The following ARSG variants were observed in gnomAD, a reference collection of about 807,000 sequenced individuals.
The protein encoded by ARSG is ASG.
A neutral mutation model predicts 50.5 loss-of-function variants in ARSG; 37 were observed. The observed-to-expected ratio is 0.73, with a 90% CI of 0.56 to 0.96. The LOEUF (loss-of-function observed/expected upper bound fraction) is 0.96. Ranked by LOEUF, ARSG falls within the 50% of genes least tolerant of loss-of-function variation. The pLI is 0.00. For synonymous variants in ARSG, 225 were observed against 254.6 expected (o/e 0.88, Z 1.11); for missense variants, 629 against 675.3 (o/e 0.93, Z 0.76).
chr17:68,264,657 G>A (rs1361083815), intron 1 of ARSG, among the ~76,000 whole-genome samples: 1 of 151,738 alleles, frequency 6.6e-6, no homozygotes, highest in Non-Finnish European at 1.5e-5. Context: ...GGCTGGTCTC[G>A]AACTCCCAAC....
intron 11 of ARSG, among the ~76,000 whole-genome samples, chr17:68,402,677 A>G (rs1600108103): frequency 6.6e-6 from 1 of 151,520 alleles, no homozygotes; most frequent in Non-Finnish European, 1.5e-5. Context: ...GGTGCCCGCC[A>G]CCTCGCCCGC....
chr17:68,289,799 G>A (rs143287296), upstream of ARSG, among the ~76,000 whole-genome samples: 521 of 152,110 alleles, frequency 3.4e-3, 2 homozygotes, highest in African/African-American at 0.012. Flanking sequence ...GTCCTTTTTC[G>A]GAAACCACAG....
the ARSG span, chr17:68,430,021 G>A: frequency 6.2e-7 from 1 of 1,614,206 alleles, no homozygotes; most frequent in Non-Finnish European, 8.5e-7. Context: ...ATGTTCCTCT[G>A]TCCGGAGAAG....
At chr17:68,420,114 A>G in intron 11 of ARSG, 75 bp from the exon 12 acceptor site, 1 of 1,515,910 alleles carries the variant, frequency 6.6e-7, no homozygotes, top group South Asian at 1.2e-5. Context: ...ATGTAGAATC[A>G]CTCGCAGCTC....
intron 1 of ARSG, among the ~76,000 whole-genome samples, chr17:68,282,779 T>TAAAAAA (rs36155626): frequency 0.039 from 2,088 of 53,260 alleles, 155 homozygotes; most frequent in Non-Finnish European, 0.055. Context: ...CCATCTCTAC[T>TAAAAAA]AAAAAAAAAA....
intron 2 of ARSG, among the ~76,000 whole-genome samples, chr17:68,319,277 C>T (rs2077187526): frequency 6.6e-6 from 1 of 152,226 alleles, no homozygotes; most frequent in African/African-American, 2.4e-5. Flanking sequence ...CCATTATCCC[C>T]TAGAGGCCAG....
At chr17:68,288,184 T>C (rs1412935696), upstream of ARSG, among the ~76,000 whole-genome samples, 1 of 151,940 alleles carries the variant, frequency 6.6e-6, no homozygotes, top group Non-Finnish European at 1.5e-5. Context: ...GTATTTTTAG[T>C]AGAGACAGGG....
chr17:68,331,204 TC>T lies in ARSG; in HGVS notation c.219-12399del, dbSNP rs1480414794. On this transcript the variant is annotated intron_variant, in intron 2 of 11. Coordinates refer to ENST00000621439, the MANE Select transcript of ARSG (RefSeq NM_001267727.2). ...TTCTTTCTTTCTTTCTTTCTTTCTT[TC>T]TTTCTTTCTTTCTTTCTTTCTTTCT... Among the ~76,000 whole-genome samples the T allele has an allele frequency of 4.2e-4, 15 of 35,668 alleles. No homozygotes were observed. The East Asian group carries it at 7.6e-3, about 18-fold the overall frequency. The allele number at this position is 35,668 out of a possible 152,430, so 23.4% of individuals were successfully genotyped here. A position where few individuals can be genotyped will look rare whatever the true frequency, so the allele number is the denominator to read the frequency against.
chr17:68,440,888 T>C, the ARSG span: 1 of 152,224 alleles, frequency 6.6e-6, no homozygotes, highest in Admixed American at 6.5e-5. Context: ...CAGGTTACGC[T>C]TTCCGATTTT....
At chr17:68,439,460 T>A in the ARSG span, among the ~76,000 whole-genome samples, 40 of 152,068 alleles carry the variant, frequency 2.6e-4, no homozygotes, top group Non-Finnish European at 5.4e-4. Flanking sequence ...GAAAGTAGAT[T>A]AGGGGTTGCC....
At chr17:68,430,715 A>G in the ARSG span, among the ~76,000 whole-genome samples, 2 of 152,206 alleles carry the variant, frequency 1.3e-5, no homozygotes, top group African/African-American at 4.8e-5. Flanking sequence ...TGTCGCCTAC[A>G]GTCATGGAAC....
At chr17:68,362,978 C>A (rs2079369499) in intron 6 of ARSG, among the ~76,000 whole-genome samples, 1 of 152,122 alleles carries the variant, frequency 6.6e-6, no homozygotes, top group African/African-American at 2.4e-5. Context: ...TTATCCAGCT[C>A]CAGTGATGTG....
At position 68,343,587 on chromosome 17, in the gene ARSG, C is replaced by T. The variant is rs375322209; in HGVS notation, c.219-17C>T. 234 of 1,595,634 alleles carry T rather than the reference C, an allele frequency of 1.5e-4. 2 individuals are homozygous for T. Among genetic ancestry groups the T allele is most frequent in the African/African-American group, 1.2e-3 (90 of 74,828 alleles). On this transcript the variant is annotated splice_polypyrimidine_tract_variant and intron_variant, in intron 2 of 11. Transcript: ENST00000621439. ...CCTGTGGTTGGTGCGGTCCTGACCA[C>T]TGTCCTTTCCCTGCAGGTTTGTGGA...
rs1185872404 is a variant in ARSG at position 68,378,564 on chromosome 17, A to G, written c.983-6500A>G. Among the ~76,000 whole-genome samples the G allele has an allele frequency of 6.6e-6, 1 of 152,090 alleles. No individual in the cohort carries two copies. Among genetic ancestry groups the G allele is most frequent in the Non-Finnish European group, 1.5e-5 (1 of 67,996 alleles). Reference sequence around the variant, plus strand: ...GCAAAGCAGCCCTGCCTTCTCCCGAAGAAGAAGGGCACGAGTCAGACACCC... The same window carrying G: ...GCAAAGCAGCCCTGCCTTCTCCCGAGGAAGAAGGGCACGAGTCAGACACCC... On this transcript the variant is annotated intron_variant, in intron 8 of 11. Coordinates refer to ENST00000621439, the MANE Select transcript of ARSG (RefSeq NM_001267727.2). The surrounding 1 kb of genome is among the most constrained non-coding windows in gnomAD (Gnocchi z 4.4).
At chr17:68,424,695 G>A (rs1277638603), downstream of ARSG, 1 of 341,378 alleles carries the variant, frequency 2.9e-6, no homozygotes, top group Non-Finnish European at 5.8e-6. Flanking sequence ...GACCAACATG[G>A]TGAAACCCCG....
At chr17:68,435,072 C>A in the ARSG span, among the ~76,000 whole-genome samples, 2 of 152,052 alleles carry the variant, frequency 1.3e-5, no homozygotes, top group Admixed American at 1.3e-4. Context: ...CCAGGCGTGG[C>A]AGCATGTGCC....
chr17:68,391,679 G>A (rs540814899), intron 9 of ARSG, among the ~76,000 whole-genome samples: 58 of 152,282 alleles, frequency 3.8e-4, no homozygotes, highest in African/African-American at 1.3e-3. Flanking sequence ...AAACCACCGC[G>A]GCCTTTTCAG....
chr17:68,416,057 C>T (rs913857901), intron 11 of ARSG, among the ~76,000 whole-genome samples: 11 of 152,146 alleles, frequency 7.2e-5, no homozygotes, highest in African/African-American at 2.7e-4. Flanking sequence ...ATTCCTCATG[C>T]TATTTGTTGC....
chr17:68,341,188 C>G (rs1478127617), intron 2 of ARSG, among the ~76,000 whole-genome samples: 3 of 152,138 alleles, frequency 2.0e-5, no homozygotes, highest in Non-Finnish European at 2.9e-5. Flanking sequence ...TGAAATGATT[C>G]TTTCCTCTGT....
Sources: allele counts gnomAD v4.1 joint callset (sites outside exome capture counted in the v4.1 genomes callset), GRCh38; gene constraint gnomAD v4.1.1; non-coding constraint Gnocchi (gnomAD v3.1); transcripts MANE v1.5; gene names NCBI Gene and HGNC (gene_info 2026-07-23, HGNC 2026-07-21).